Variants in GPC6 observed in about 807,000 individuals in gnomAD.
The protein encoded by GPC6 is glypican 6.
Under a neutral mutation model 55.2 loss-of-function variants are expected in GPC6, and 14 were observed. That is an observed-to-expected ratio of 0.25 (90% CI 0.17 to 0.40). The LOEUF is 0.40. Among genes scored for constraint, GPC6 ranks in the 10% least tolerant of loss-of-function variants. The probability of loss-of-function intolerance (pLI) is 1.00; values close to 1 mark genes in which losing one functional copy is unlikely to be tolerated. For missense variants in GPC6, 641 were observed against 708.5 expected, an observed-to-expected ratio of 0.90 and a Z score of 1.08; for synonymous variants, 278 against 259.6, an observed-to-expected ratio of 1.07 and a Z score of -0.68.
intron 1 of GPC6, among the ~76,000 whole-genome samples, chr13:93,506,242 G>A (rs557609521): frequency 7.2e-4 from 109 of 152,264 alleles, no homozygotes; most frequent in African/African-American, 2.6e-3. Context: ...ATTCTAAGGT[G>A]GATTCATTTG....
chr13:93,941,984 C>G (rs1878760263), intron 3 of GPC6, among the ~76,000 whole-genome samples: 1 of 152,218 alleles, frequency 6.6e-6, no homozygotes, highest in East Asian at 1.9e-4. Flanking sequence ...ATACAGAAAT[C>G]TCTCACAACA....
chr13:93,991,013 G>A (rs1881281637), intron 3 of GPC6, among the ~76,000 whole-genome samples: 1 of 151,366 alleles, frequency 6.6e-6, no homozygotes, highest in South Asian at 2.1e-4. Context: ...GTGAACATTT[G>A]TTATATTTTA....
At chr13:93,936,726 G>A (rs1271480861) in intron 3 of GPC6, among the ~76,000 whole-genome samples, 3 of 152,068 alleles carry the variant, frequency 2.0e-5, no homozygotes, top group Non-Finnish European at 2.9e-5. Flanking sequence ...AGGGAAACTC[G>A]TAAGAAAAAA....
chr13:94,166,472 C>T (rs1888375463), intron 4 of GPC6, among the ~76,000 whole-genome samples: 1 of 152,150 alleles, frequency 6.6e-6, no homozygotes, highest in East Asian at 1.9e-4. Context: ...AATAGGCCTG[C>T]GCCTCATCCT....
intron 2 of GPC6, among the ~76,000 whole-genome samples, chr13:93,555,492 G>A (rs1329895261): frequency 6.6e-6 from 1 of 152,108 alleles, no homozygotes; most frequent in African/African-American, 2.4e-5. Context: ...TATGACAGAA[G>A]AAAATAGGGA....
intron 4 of GPC6, among the ~76,000 whole-genome samples, chr13:94,032,896 C>T (rs1051118189): frequency 6.6e-6 from 1 of 152,100 alleles, no homozygotes. Context: ...TGTGGCAGGC[C>T]GAGAGACCCT....
intron 1 of GPC6, among the ~76,000 whole-genome samples, chr13:93,329,133 A>T (rs1015844710): frequency 6.6e-6 from 1 of 152,172 alleles, no homozygotes; most frequent in African/African-American, 2.4e-5. Flanking sequence ...CTAGCTAAAA[A>T]TAGCTATTGA....
At chr13:93,999,830 A>T (rs1881718431) in intron 3 of GPC6, among the ~76,000 whole-genome samples, 1 of 152,200 alleles carries the variant, frequency 6.6e-6, no homozygotes, top group Admixed American at 6.5e-5. Flanking sequence ...AGTAAGTCAG[A>T]TGTCCTGGGG....
At chr13:93,879,375 A>G (rs2140308342) in intron 3 of GPC6, among the ~76,000 whole-genome samples, 1 of 152,242 alleles carries the variant, frequency 6.6e-6, no homozygotes, top group South Asian at 2.1e-4. Context: ...GATATAGATC[A>G]ATGGAACAGA....
chr13:94,336,666 T>C (rs942144643), intron 6 of GPC6, among the ~76,000 whole-genome samples: 1 of 152,068 alleles, frequency 6.6e-6, no homozygotes, highest in Non-Finnish European at 1.5e-5. Flanking sequence ...GGTTGTGGAA[T>C]ATCTGCTTTC....
intron 3 of GPC6, among the ~76,000 whole-genome samples, chr13:93,997,466 C>T (rs1881606496): frequency 6.6e-6 from 1 of 152,160 alleles, no homozygotes; most frequent in Non-Finnish European, 1.5e-5. Flanking sequence ...GGCTGCTCTG[C>T]TCTTCGTGTC....
At chr13:93,978,789 A>G (rs1566631622) in intron 3 of GPC6, among the ~76,000 whole-genome samples, 1 of 152,214 alleles carries the variant, frequency 6.6e-6, no homozygotes, top group Non-Finnish European at 1.5e-5. Context: ...TTTATTTAAA[A>G]TGCAGCTGAA....
intron 4 of GPC6, among the ~76,000 whole-genome samples, chr13:94,188,622 G>C (rs1889281033): frequency 6.6e-6 from 1 of 152,132 alleles, no homozygotes; most frequent in Non-Finnish European, 1.5e-5. Flanking sequence ...GGGAGCCATG[G>C]TGGATGCCGT....
intron 6 of GPC6, among the ~76,000 whole-genome samples, chr13:94,353,274 G>A (rs1278272038): frequency 1.3e-5 from 2 of 151,926 alleles, no homozygotes; most frequent in African/African-American, 4.8e-5. Context: ...AAATGAGTGC[G>A]GCTTTGCATT....
chr13:94,302,938 C>T (rs1311931748), intron 5 of GPC6, among the ~76,000 whole-genome samples: 3 of 152,200 alleles, frequency 2.0e-5, no homozygotes, highest in Admixed American at 6.5e-5. Context: ...TAGGACAAAC[C>T]GAGGCACTTA....
intron 4 of GPC6, among the ~76,000 whole-genome samples, chr13:94,201,727 G>A (rs1254674489): frequency 6.6e-6 from 1 of 152,094 alleles, no homozygotes; most frequent in South Asian, 2.1e-4. Context: ...AAGGCAGGCC[G>A]ATCACAAGGT....
intron 5 of GPC6, among the ~76,000 whole-genome samples, chr13:94,297,891 C>T (rs112743699): frequency 1.2e-4 from 18 of 151,524 alleles, no homozygotes; most frequent in Middle Eastern, 3.4e-3. Context: ...AGGAAAGAAA[C>T]GCATGAATCA....
intron 4 of GPC6, among the ~76,000 whole-genome samples, chr13:94,114,199 G>A (rs952414130): frequency 6.7e-6 from 1 of 149,892 alleles, no homozygotes; most frequent in African/African-American, 2.5e-5. Context: ...CCAGCCAAAT[G>A]GCACACACCT....
chr13:93,632,607 GTATATATATGTATATATATATA>G (rs1263673428), intron 2 of GPC6, among the ~76,000 whole-genome samples: 2 of 49,816 alleles, frequency 4.0e-5, no homozygotes, highest in African/African-American at 9.0e-5. Context: ...GTATATGTGT[GTATATATATGTATATATATATA>G]TATATATAAT....
Sources: gnomAD v4.1 joint callset for allele counts (sites outside exome capture counted in the v4.1 genomes callset) on GRCh38, gnomAD v4.1.1 for gene constraint, MANE v1.5 for transcripts, NCBI Gene and HGNC (gene_info 2026-07-23, HGNC 2026-07-21) for gene names.